Variants in SPC25 observed in about 807,000 individuals in gnomAD.
SPC25 encodes the protein SPC25 component of NDC80 kinetochore complex.
In SPC25, 22 loss-of-function variants were observed where a neutral mutation model predicts 29.6. That is an observed-to-expected ratio of 0.74 (90% CI 0.53 to 1.06). SPC25 has a LOEUF of 1.06. SPC25 is among the 50% of genes least tolerant of loss of function. The pLI, the probability that SPC25 is intolerant of heterozygous loss-of-function variation, is 0.00. For synonymous variants in SPC25, 91 were observed against 90.4 expected (o/e 1.01, Z -0.04); for missense variants, 230 against 255.8 (o/e 0.90, Z 0.69).
chr2:168,863,550 C>G (rs921735606), intron 4 of SPC25: 27 of 985,236 alleles, frequency 2.7e-5, no homozygotes, highest in Non-Finnish European at 3.0e-5. Context: ...ATGGAATTCT[C>G]TTTATTTGAA....
At chr2:168,889,571 G>A (rs1338658964) in intron 1 of SPC25, 38 bp from the exon 2 acceptor site, 1 of 1,571,846 alleles carries the variant, frequency 6.4e-7, no homozygotes, top group Admixed American at 1.8e-5. Flanking sequence ...TTAAGTTACT[G>A]AAATCAAATC....
chr2:168,886,676 G>T (rs1002314274), intron 3 of SPC25, among the ~76,000 whole-genome samples: 1 of 151,878 alleles, frequency 6.6e-6, no homozygotes, highest in Non-Finnish European at 1.5e-5. Context: ...CCGGCCACCA[G>T]GCCCAGCTAA....
chr2:168,862,648 A>T (rs891064531), intron 4 of SPC25, among the ~76,000 whole-genome samples: 1 of 152,174 alleles, frequency 6.6e-6, no homozygotes, highest in Non-Finnish European at 1.5e-5. Flanking sequence ...AAAGAGTGAG[A>T]TCCCCTTCTT....
intron 4 of SPC25, among the ~76,000 whole-genome samples, chr2:168,861,569 AACAGTTCCAT>A (rs369248367): frequency 1.4e-4 from 21 of 152,320 alleles, no homozygotes; most frequent in African/African-American, 5.1e-4. Context: ...TTGTTTGAGA[AACAGTTCCAT>A]ACACAGCTAG....
intron 4 of SPC25, chr2:168,865,007 A>G: frequency 6.2e-7 from 1 of 1,608,864 alleles, no homozygotes; most frequent in Non-Finnish European, 8.5e-7. Flanking sequence ...ACACTCGGTA[A>G]TCAACAATAC....
chr2:168,863,399 A>C, intron 4 of SPC25: 1 of 984,572 alleles, frequency 1.0e-6, no homozygotes, highest in Non-Finnish European at 1.2e-6. Flanking sequence ...TGAGGAAAAG[A>C]GTGAAAGGAA....
chr2:168,862,233 T>C (rs1389344217), intron 4 of SPC25, among the ~76,000 whole-genome samples: 1 of 152,228 alleles, frequency 6.6e-6, no homozygotes, highest in African/African-American at 2.4e-5. Context: ...GCTTATTCTG[T>C]TTACTGTGTG....
At chr2:168,884,301 A>T (rs1690223192) in intron 3 of SPC25, among the ~76,000 whole-genome samples, 1 of 152,212 alleles carries the variant, frequency 6.6e-6, no homozygotes, top group African/African-American at 2.4e-5. Context: ...TCATCTGTAA[A>T]ACAGGGATAA....
At chr2:168,862,158 C>A in intron 4 of SPC25, 1 of 888,730 alleles carries the variant, frequency 1.1e-6, no homozygotes. Context: ...CATGTCAAAT[C>A]AGTTCACCCT....
intron 4 of SPC25, among the ~76,000 whole-genome samples, chr2:168,863,896 G>C (rs1255034079): frequency 1.3e-5 from 2 of 151,972 alleles, no homozygotes; most frequent in Non-Finnish European, 1.5e-5. Context: ...AAGGATATAT[G>C]ATCCAACGTG....
At chr2:168,873,238 T>C (rs1403492526) in intron 6 of SPC25, among the ~76,000 whole-genome samples, 1 of 152,208 alleles carries the variant, frequency 6.6e-6, no homozygotes, top group Admixed American at 6.5e-5. Flanking sequence ...ATTCTAATAT[T>C]CACATTTAAG....
At chr2:168,863,720 T>TTGTC (rs2105805887) in intron 4 of SPC25, 1 of 908,432 alleles carries the variant, frequency 1.1e-6, no homozygotes, top group Non-Finnish European at 1.3e-6. Flanking sequence ...TGCAGAGACA[T>TTGTC]TGTCTTGATC....
chr2:168,862,434 A>T (rs1689522516), intron 4 of SPC25, among the ~76,000 whole-genome samples: 1 of 152,238 alleles, frequency 6.6e-6, no homozygotes, highest in South Asian at 2.1e-4. Context: ...CACAGTGCAC[A>T]CTAGGGTAGA....
At chr2:168,887,448 TAAAG>T (rs1690289791) in intron 3 of SPC25, among the ~76,000 whole-genome samples, 1 of 138,720 alleles carries the variant, frequency 7.2e-6, no homozygotes, top group African/African-American at 2.9e-5. Flanking sequence ...AGAAAGAAAA[TAAAG>T]AAAGAAAGTA....
downstream of SPC25, among the ~76,000 whole-genome samples, chr2:168,866,844 T>A (rs920600561): frequency 8.6e-5 from 13 of 151,928 alleles, no homozygotes; most frequent in African/African-American, 3.1e-4. Flanking sequence ...AAAGAAGACA[T>A]TTATGCAGCC....
At chr2:168,887,482 CA>C (rs2105838036) in intron 3 of SPC25, among the ~76,000 whole-genome samples, 1 of 151,686 alleles carries the variant, frequency 6.6e-6, no homozygotes, top group African/African-American at 2.4e-5. Context: ...AAAAGTGTAG[CA>C]AATAACCTAC....
At chr2:168,875,708 G>A (rs1399002937) in intron 5 of SPC25, among the ~76,000 whole-genome samples, 1 of 151,962 alleles carries the variant, frequency 6.6e-6, no homozygotes, top group South Asian at 2.1e-4. Flanking sequence ...CTAAACAATA[G>A]GTAAATGGTT....
chr2:168,879,744 C>T (rs1167660855), intron 3 of SPC25, among the ~76,000 whole-genome samples: 1 of 152,146 alleles, frequency 6.6e-6, no homozygotes, highest in East Asian at 1.9e-4. Flanking sequence ...GAGTTAATCA[C>T]TATTTGGGTA....
Position 168,881,501 on chromosome 2 carries a change from G to A in SPC25, c.200-4117C>T, listed in dbSNP as rs1420211453. On this transcript the variant is annotated intron_variant, in intron 3 of 6. Coordinates refer to ENST00000282074, the MANE Select transcript of SPC25 (RefSeq NM_020675.4). ...CCCCAAAATGCCAATCAGGGGGCTAGACAAAGCAGGAAGGCACAAAAAGCA... is the reference window on the plus strand; with the variant it reads ...CCCCAAAATGCCAATCAGGGGGCTAAACAAAGCAGGAAGGCACAAAAAGCA... Among the ~76,000 whole-genome samples the A allele has an allele frequency of 4.6e-5, 7 of 152,220 alleles. No individual in the cohort carries two copies. The East Asian group carries it at 1.3e-3, about 29-fold the overall frequency.
Sources: allele counts gnomAD v4.1 joint callset (sites outside exome capture counted in the v4.1 genomes callset), GRCh38; gene constraint gnomAD v4.1.1; transcripts MANE v1.5; gene names NCBI Gene and HGNC (gene_info 2026-07-23, HGNC 2026-07-21).